Variants in SLC4A5 observed in about 807,000 individuals in gnomAD.
SLC4A5 encodes the protein solute carrier family 4 member 5.
In SLC4A5, 96 loss-of-function variants were observed where a neutral mutation model predicts 120.4. The observed-to-expected ratio is 0.80, with a 90% CI of 0.68 to 0.94. The LOEUF (loss-of-function observed/expected upper bound fraction) is 0.94, where lower values mean the gene tolerates loss of function less well. Ranked by LOEUF, SLC4A5 falls within the 40% of genes least tolerant of loss-of-function variation. The pLI is 0.00. For synonymous variants in SLC4A5, 550 were observed against 571.1 expected (o/e 0.96, Z 0.53); for missense variants, 1,259 against 1,459.5 (o/e 0.86, Z 2.24).
intron 5 of SLC4A5, among the ~76,000 whole-genome samples, chr2:74,316,955 C>T (rs533725320): frequency 6.6e-6 from 1 of 152,336 alleles, no homozygotes; most frequent in South Asian, 2.1e-4. Context: ...TAATGTAATA[C>T]ATTTAAATGT....
intron 5 of SLC4A5, among the ~76,000 whole-genome samples, chr2:74,315,564 C>G (rs10185658): frequency 0.36 from 53,808 of 150,600 alleles, 16,256 homozygotes; most frequent in East Asian, 0.85. Flanking sequence ...ACATATACTA[C>G]GTCACAGAAA....
At chr2:74,221,122 T>C (rs1558862751) in intron 30 of SLC4A5, among the ~76,000 whole-genome samples, 1 of 152,202 alleles carries the variant, frequency 6.6e-6, no homozygotes, top group South Asian at 2.1e-4. Flanking sequence ...GGATTACAGG[T>C]GTGAGGCACC....
At chr2:74,227,094 TGGC>T (rs768968240) in exon 27 of SLC4A5, 1 of 1,613,882 alleles carries the variant, frequency 6.2e-7, no homozygotes, top group Non-Finnish European at 8.5e-7. Context: ...GGCTGGTGCT[TGGC>T]TGGCATCAGG....
Position 74,264,300 on chromosome 2 carries a change from C to G in SLC4A5, c.563-1G>C. ...TCAATCTGCTTCTCAATGACATCAT[C>G]TGTGTGGAAAACATACACACCTCAT... is the stretch of plus-strand genomic sequence containing the variant. On this transcript the variant is annotated splice_acceptor_variant, in intron 9 of 30. Coordinates refer to ENST00000394019, the Ensembl canonical transcript of SLC4A5. LOFTEE classifies it high-confidence loss of function. 5 of 1,613,240 alleles carry G rather than the reference C, an allele frequency of 3.1e-6. No individual in the cohort carries two copies. Among genetic ancestry groups the G allele is most frequent in the Non-Finnish European group, 3.4e-6 (4 of 1,179,496 alleles).
chr2:74,339,937 C>T (rs905104657), intron 2 of SLC4A5, among the ~76,000 whole-genome samples: 1 of 152,194 alleles, frequency 6.6e-6, no homozygotes, highest in Non-Finnish European at 1.5e-5. Context: ...AAGCCAGACA[C>T]AAAACGACAA....
At chr2:74,342,391 TGGTGTGGGAAAA>T (rs1213721322) in intron 2 of SLC4A5, 55 bp downstream of exon 2, 1 of 152,054 alleles carries the variant, frequency 6.6e-6, no homozygotes, top group African/African-American at 2.4e-5. Flanking sequence ...GTGCCACCAA[TGGTGTGGGAAAA>T]GATGACTCTC....
chr2:74,233,789 T>A (rs1670177178), intron 22 of SLC4A5, among the ~76,000 whole-genome samples: 1 of 152,192 alleles, frequency 6.6e-6, no homozygotes, highest in Non-Finnish European at 1.5e-5. Context: ...GGTAATTTGC[T>A]GCAACAGCCC....
chr2:74,277,858 G>A (rs1007255749), intron 8 of SLC4A5, among the ~76,000 whole-genome samples: 9 of 151,910 alleles, frequency 5.9e-5, no homozygotes, highest in African/African-American at 9.7e-5. Context: ...ACAAAGATGT[G>A]TACTGAAATG....
chr2:74,262,422 G>T (rs932858334), intron 10 of SLC4A5, among the ~76,000 whole-genome samples, 190 bp from the exon 11 acceptor site: 2 of 150,388 alleles, frequency 1.3e-5, no homozygotes, highest in Non-Finnish European at 3.0e-5. Context: ...ATTACAGGCT[G>T]GGCACGATGG....
At chr2:74,271,198 C>T (rs755053424) in intron 8 of SLC4A5, among the ~76,000 whole-genome samples, 2 of 152,108 alleles carry the variant, frequency 1.3e-5, no homozygotes, top group Non-Finnish European at 2.9e-5. Context: ...GTCCTCTTTC[C>T]TCTCTGTTTT....
In SLC4A5 at chr2:74,233,391, A is replaced by G; in HGVS notation, c.2595+11T>C. 6.2e-7 allele frequency: 1 copy of G among 1,614,022 alleles called. No homozygotes were observed. The highest frequency in any genetic ancestry group is 8.5e-7 in the Non-Finnish European group (1 of 1,179,946). ...AAGAGGTTATGCCTCTGCTCCTAGT[A>G]CCGGCCTTACCTTCAGTTTGTTCTC... is the stretch of plus-strand genomic sequence containing the variant. On this transcript the variant is annotated intron_variant, in intron 23 of 30. Coordinates refer to ENST00000394019, the Ensembl canonical transcript of SLC4A5.
At chr2:74,275,693 T>A (rs1409032387) in intron 8 of SLC4A5, among the ~76,000 whole-genome samples, 1 of 152,210 alleles carries the variant, frequency 6.6e-6, no homozygotes, top group Non-Finnish European at 1.5e-5. Flanking sequence ...ACATAACACT[T>A]CCTAATCACG....
intron 4 of SLC4A5, among the ~76,000 whole-genome samples, chr2:74,330,316 G>A (rs1371847716): frequency 1.3e-5 from 2 of 150,670 alleles, no homozygotes; most frequent in Non-Finnish European, 1.5e-5. Flanking sequence ...TGAGGTATAG[G>A]TGAGGGTGGT....
intron 8 of SLC4A5, among the ~76,000 whole-genome samples, chr2:74,279,793 T>C (rs2104133413): frequency 6.6e-6 from 1 of 152,332 alleles, no homozygotes; most frequent in South Asian, 2.1e-4. Flanking sequence ...GCTGCTACCA[T>C]GAGGTACTCA....
intron 8 of SLC4A5, among the ~76,000 whole-genome samples, chr2:74,280,924 T>C (rs1048592665): frequency 6.6e-6 from 1 of 152,140 alleles, no homozygotes; most frequent in African/African-American, 2.4e-5. Flanking sequence ...TGACCTCAGG[T>C]GATCCACCTG....
At chr2:74,292,391 T>C (rs1250388913) in intron 7 of SLC4A5, among the ~76,000 whole-genome samples, 5 of 152,166 alleles carry the variant, frequency 3.3e-5, no homozygotes, top group South Asian at 2.1e-4. Context: ...CCCTCCCTTC[T>C]GCCCACAGAA....
chr2:74,250,940 A>G (rs1363851161), intron 16 of SLC4A5, among the ~76,000 whole-genome samples: 1 of 152,160 alleles, frequency 6.6e-6, no homozygotes, highest in Non-Finnish European at 1.5e-5. Flanking sequence ...TTAAGAACAG[A>G]TCCTAAACCT....
intron 5 of SLC4A5, among the ~76,000 whole-genome samples, chr2:74,319,234 G>A (rs1420657295): frequency 6.6e-6 from 1 of 152,148 alleles, no homozygotes; most frequent in Non-Finnish European, 1.5e-5. Context: ...GGAAGGGGGT[G>A]AGGGTTGAAA....
intron 7 of SLC4A5, among the ~76,000 whole-genome samples, chr2:74,289,149 T>C (rs1267250941): frequency 6.6e-6 from 1 of 152,154 alleles, no homozygotes; most frequent in East Asian, 1.9e-4. Context: ...TTTTAAAACA[T>C]TTCAAACATG....
Sources: allele counts gnomAD v4.1 joint callset (sites outside exome capture counted in the v4.1 genomes callset), GRCh38; gene constraint gnomAD v4.1.1; transcripts MANE v1.5; gene names NCBI Gene and HGNC (gene_info 2026-07-23, HGNC 2026-07-21).